Variants in RETREG3 observed in about 807,000 individuals in gnomAD.
RETREG3 encodes the protein reticulophagy regulator 3.
Under a neutral mutation model 50.2 loss-of-function variants are expected in RETREG3, and 23 were observed. The observed-to-expected ratio is 0.46, with a 90% CI of 0.33 to 0.65. The LOEUF is 0.65. RETREG3 is among the 30% of genes least tolerant of loss of function. The probability of loss-of-function intolerance (pLI) is 0.02; values close to 1 mark genes in which losing one functional copy is unlikely to be tolerated. For synonymous variants in RETREG3, 240 were observed against 234.4 expected (o/e 1.02, Z -0.22); for missense variants, 546 against 598.0 (o/e 0.91, Z 0.91).
At chr17:42,597,611 ATATATATATTTTTT>A (rs1212137063) in intron 1 of RETREG3, among the ~76,000 whole-genome samples, 16 of 34,460 alleles carry the variant, frequency 4.6e-4, no homozygotes, top group East Asian at 1.5e-3. Flanking sequence ...ATATATATAT[ATATATATATTTTTT>A]TTTTTTTTTT....
chr17:42,594,140 G>C (rs1385702562), intron 1 of RETREG3, among the ~76,000 whole-genome samples: 4 of 152,236 alleles, frequency 2.6e-5, no homozygotes, highest in African/African-American at 9.6e-5. Context: ...AGTGAGCGGA[G>C]ATCGCACCAC....
intron 1 of RETREG3, among the ~76,000 whole-genome samples, chr17:42,601,582 AAAAAG>A (rs1393687635): frequency 6.7e-6 from 1 of 149,894 alleles, no homozygotes; most frequent in African/African-American, 2.4e-5. Context: ...CTCAAAAAAA[AAAAAG>A]AAAAGAAAAA....
intron 5 of RETREG3, 23 bp from the exon 6 acceptor site, chr17:42,585,285 G>A (rs777926865): frequency 1.2e-6 from 2 of 1,609,882 alleles, no homozygotes; most frequent in Non-Finnish European, 1.7e-6. Context: ...ATGGGAAACA[G>A]TGACAAAATG....
At position 42,586,028 on chromosome 17, in the gene RETREG3, T is replaced by C. The variant is rs749724985; in HGVS notation, c.589+25A>G. On this transcript the variant is annotated intron_variant, in intron 5 of 8. Coordinates refer to ENST00000309428, the MANE Select transcript of RETREG3 (RefSeq NM_178126.4). ...AAAGCTATGAGCAGGGTATACTTTG[T>C]AGGGGAGGTATATGTCATACTTACG... 10 of 1,609,904 alleles carry C rather than the reference T, an allele frequency of 6.2e-6. No homozygotes were observed. The South Asian group carries it at 9.9e-5, about 16-fold the overall frequency.
chr17:42,601,002 G>A (rs748510126), intron 1 of RETREG3, among the ~76,000 whole-genome samples: 3 of 152,108 alleles, frequency 2.0e-5, no homozygotes, highest in Non-Finnish European at 4.4e-5. Flanking sequence ...TGGGCCAGGC[G>A]CAGTGGCTCA....
At chr17:42,590,686 G>A (rs1031508507) in intron 2 of RETREG3, among the ~76,000 whole-genome samples, 53 of 152,044 alleles carry the variant, frequency 3.5e-4, no homozygotes, top group African/African-American at 1.2e-3. Context: ...AAAAGAATGC[G>A]CCAGGTGCGG....
At position 42,603,857 on chromosome 17, in the gene RETREG3, G is replaced by T. The variant is rs889792671; in HGVS notation, c.239+5229C>A. 4.6e-5 allele frequency among the ~76,000 whole-genome samples: 7 copies of T among 152,028 alleles called. No individual in the cohort carries two copies. The East Asian group carries it at 1.2e-3, about 25-fold the overall frequency. On this transcript the variant is annotated intron_variant, in intron 1 of 8. Transcript: ENST00000309428. ...GTGGGCATGGTGGCGGGCGCCTGTA[G>T]TCCCAGCTACTCGGGAGGCTGAGGC...
chr17:42,605,000 T>C (rs1044247244), intron 1 of RETREG3, among the ~76,000 whole-genome samples: 3 of 151,992 alleles, frequency 2.0e-5, no homozygotes, highest in Non-Finnish European at 4.4e-5. Context: ...TTTCTATTAT[T>C]ATGCTAGAGA....
intron 1 of RETREG3, among the ~76,000 whole-genome samples, chr17:42,598,396 C>A (rs1270417743): frequency 6.6e-6 from 1 of 152,120 alleles, no homozygotes; most frequent in East Asian, 1.9e-4. Flanking sequence ...TTTTAGCCTT[C>A]AAGACCCAGA....
In RETREG3 at chr17:42,582,764, A is replaced by G. The variant is rs1567920406; in HGVS notation, c.853T>C (p.Ser285Pro). 1.2e-6 allele frequency: 2 copies of G among 1,614,224 alleles called. No homozygotes were observed. Among genetic ancestry groups the G allele is most frequent in the Non-Finnish European group, 1.7e-6 (2 of 1,180,022 alleles). The change falls in exon 8 of 9, where the codon TCT becomes CCT. Residue 285 changes from serine (S) to proline (P), a missense_variant. Coordinates refer to ENST00000309428, the MANE Select transcript of RETREG3 (RefSeq NM_178126.4). ...TVARELAITD[S>P]EHSDAEVSCT... ...GAGACTTCAGCGTCTGAGTGCTCAG[A>G]GTCTGTGATGGCCAATTCCCTGGCA... is the stretch of plus-strand genomic sequence containing the variant.
intron 1 of RETREG3, among the ~76,000 whole-genome samples, chr17:42,605,945 C>T (rs1387975426): frequency 6.9e-6 from 1 of 144,432 alleles, no homozygotes; most frequent in Non-Finnish European, 1.5e-5. Flanking sequence ...GAGCCAAGAT[C>T]ACGCCATTGC....
chr17:42,580,751 A>T lies in RETREG3; in HGVS notation c.*1062T>A. On this transcript the variant is annotated 3_prime_UTR_variant, in exon 9 of 9. Transcript: ENST00000309428. ...CAAGTTTGCTTTAAAAAAAAAAAAA[A>T]ATCACGCTGGGCACAGTGGCTCACA... 6.6e-6 allele frequency: 1 copy of T among 152,404 alleles called. No individual in the cohort carries two copies. The allele number at this position is 152,404 out of a possible 1,614,324, so 9.4% of individuals were successfully genotyped here. A position where few individuals can be genotyped will look rare whatever the true frequency, so the allele number is the denominator to read the frequency against.
intron 1 of RETREG3, chr17:42,608,666 A>T: frequency 6.0e-6 from 1 of 166,396 alleles, no homozygotes; most frequent in African/African-American, 2.4e-5. Flanking sequence ...ATACCTTTGC[A>T]AGACTTCACG....
At chr17:42,605,990 C>CAAAAA (rs764477176) in intron 1 of RETREG3, among the ~76,000 whole-genome samples, 3 of 65,066 alleles carry the variant, frequency 4.6e-5, no homozygotes, top group African/African-American at 6.6e-5. Flanking sequence ...GACTCCATCT[C>CAAAAA]AAAAAAAAAA....
rs10649777 is a variant in RETREG3 at position 42,581,048 on chromosome 17, A to AAAAAG, written c.*760_*764dup. 0.061 allele frequency: 7,205 copies of AAAAAG among 117,668 alleles called. 1,034 individuals carry two copies. The highest frequency in any genetic ancestry group is 0.22 in the African/African-American group (6,498 of 30,162). The allele number at this position is 117,668 out of a possible 1,614,324, so 7.3% of individuals were successfully genotyped here. A position where few individuals can be genotyped will look rare whatever the true frequency, so the allele number is the denominator to read the frequency against. On this transcript the variant is annotated 3_prime_UTR_variant, in exon 9 of 9. Transcript: ENST00000309428. ...AGAGAGACTCTGTCTCAAAAAAAAA[A>AAAAAG]AAAAGAAAAGAAAAGAAAAGAAAAA... is the stretch of plus-strand genomic sequence containing the variant.
chr17:42,605,555 C>T (rs1360215271), intron 1 of RETREG3, among the ~76,000 whole-genome samples: 2 of 152,158 alleles, frequency 1.3e-5, no homozygotes, highest in East Asian at 3.8e-4. Context: ...TAATTACCTA[C>T]CAAGGAAGCT....
At chr17:42,585,019 A>AC in intron 6 of RETREG3, 106 bp downstream of exon 6, 1 of 1,337,082 alleles carries the variant, frequency 7.5e-7, no homozygotes, top group Non-Finnish European at 1.0e-6. Context: ...CCCACCAACT[A>AC]CCCCCGACTT....
chr17:42,583,684 G>C (rs2093114996), intron 6 of RETREG3, 104 bp from the exon 7 acceptor site: 2 of 1,053,502 alleles, frequency 1.9e-6, no homozygotes, highest in Non-Finnish European at 2.7e-6. Flanking sequence ...GAGCCTCTCT[G>C]AATCTGGCTC....
chr17:42,597,747 C>G (rs2093150516), intron 1 of RETREG3, among the ~76,000 whole-genome samples: 1 of 148,486 alleles, frequency 6.7e-6, no homozygotes, highest in African/African-American at 2.5e-5. Context: ...ACTCCTGCCT[C>G]AGCCTCCTGA....
Sources: allele counts gnomAD v4.1 joint callset (sites outside exome capture counted in the v4.1 genomes callset), GRCh38; gene constraint gnomAD v4.1.1; transcripts MANE v1.5; gene names NCBI Gene and HGNC (gene_info 2026-07-23, HGNC 2026-07-21).